XKR6: variants seen among roughly 807,000 people sequenced by gnomAD.
XKR6 encodes XK-related protein 6.
Under a neutral mutation model 56.7 loss-of-function variants are expected in XKR6, and 22 were observed. The ratio of observed to expected loss-of-function variants is 0.39; its 90% CI spans 0.28 to 0.55. The LOEUF is 0.55. Among genes scored for constraint, XKR6 ranks in the 20% least tolerant of loss-of-function variants. The pLI is 0.66. For synonymous variants in XKR6, 524 were observed against 387.8 expected, an observed-to-expected ratio of 1.35 and a Z score of -4.13; for missense variants, 852 against 889.0, an observed-to-expected ratio of 0.96 and a Z score of 0.53.
chr8:10,909,456 C>T (rs1393403416), intron 2 of XKR6, among the ~76,000 whole-genome samples: 1 of 152,110 alleles, frequency 6.6e-6, no homozygotes, highest in Non-Finnish European at 1.5e-5. Flanking sequence ...TTTTCTCCTG[C>T]TTTTGGTTTT....
At chr8:10,956,282 G>A (rs868391521) in intron 1 of XKR6, among the ~76,000 whole-genome samples, 7 of 152,170 alleles carry the variant, frequency 4.6e-5, no homozygotes, top group South Asian at 2.1e-4. Flanking sequence ...TTGTCATCAC[G>A]GTCATTTCAT....
chr8:11,004,431 C>T (rs984949499), intron 1 of XKR6, among the ~76,000 whole-genome samples: 7 of 152,036 alleles, frequency 4.6e-5, no homozygotes, highest in African/African-American at 7.2e-5. Context: ...GAGATCATGA[C>T]GCCACTGCAC....
chr8:11,089,425 G>A (rs368035370), intron 1 of XKR6, among the ~76,000 whole-genome samples: 51 of 152,200 alleles, frequency 3.4e-4, no homozygotes, highest in Non-Finnish European at 6.0e-4. Flanking sequence ...GAGCCTAGGC[G>A]TTTGAGACCA....
At chr8:11,082,040 G>C (rs554685495) in intron 1 of XKR6, among the ~76,000 whole-genome samples, 5 of 152,316 alleles carry the variant, frequency 3.3e-5, no homozygotes, top group African/African-American at 1.2e-4. Context: ...CAGTTGGAGG[G>C]GAGCTAGCAG....
At chr8:11,086,491 T>C (rs1385102616) in intron 1 of XKR6, among the ~76,000 whole-genome samples, 1 of 152,184 alleles carries the variant, frequency 6.6e-6, no homozygotes, top group Non-Finnish European at 1.5e-5. Context: ...ATCACAGCCA[T>C]GGAAAGTCAT....
At chr8:11,177,443 G>T (rs1483247717) in intron 1 of XKR6, among the ~76,000 whole-genome samples, 1 of 152,188 alleles carries the variant, frequency 6.6e-6, no homozygotes, top group East Asian at 1.9e-4. Flanking sequence ...GACCATGAGT[G>T]TTATGGGCTC....
chr8:11,090,557 ACACTTGCCTGCATTTT>A (rs1457960050), intron 1 of XKR6, among the ~76,000 whole-genome samples: 6 of 152,188 alleles, frequency 3.9e-5, no homozygotes, highest in Non-Finnish European at 7.3e-5. Flanking sequence ...AGTGCTTGAC[ACACTTGCCTGCATTTT>A]ATGCCATATG....
chr8:10,916,623 G>A (rs568366291), intron 2 of XKR6, among the ~76,000 whole-genome samples: 1 of 152,338 alleles, frequency 6.6e-6, no homozygotes, highest in East Asian at 1.9e-4. Flanking sequence ...GGGGACAGAA[G>A]CAGGCTTTAC....
At chr8:10,982,110 A>T (rs1254715735) in intron 1 of XKR6, among the ~76,000 whole-genome samples, 1 of 152,224 alleles carries the variant, frequency 6.6e-6, no homozygotes, top group African/African-American at 2.4e-5. Context: ...GCAATCAATG[A>T]AGTCTACACA....
intron 1 of XKR6, among the ~76,000 whole-genome samples, chr8:11,177,398 A>T (rs1200374186): frequency 6.6e-6 from 1 of 152,210 alleles, no homozygotes; most frequent in Non-Finnish European, 1.5e-5. Flanking sequence ...TGGGTCAACT[A>T]CAAAAGAGTT....
chr8:11,191,142 C>G (rs960382230), intron 1 of XKR6, among the ~76,000 whole-genome samples: 1 of 152,214 alleles, frequency 6.6e-6, no homozygotes, highest in Non-Finnish European at 1.5e-5. Flanking sequence ...TAACTGTTTA[C>G]TGGCAACCCA....
At chr8:11,153,106 G>C (rs1801343969) in intron 1 of XKR6, among the ~76,000 whole-genome samples, 1 of 152,094 alleles carries the variant, frequency 6.6e-6, no homozygotes, top group African/African-American at 2.4e-5. Context: ...TATTATTATA[G>C]GTGCCAACAT....
At chr8:11,117,359 T>C (rs78807267) in intron 1 of XKR6, among the ~76,000 whole-genome samples, 4,525 of 152,308 alleles carry the variant, frequency 0.03, 243 homozygotes, top group African/African-American at 0.1. Flanking sequence ...TCTTAATTTC[T>C]GTGGGAGTCC....
chr8:11,079,174 G>A (rs981134593), intron 1 of XKR6, among the ~76,000 whole-genome samples: 2 of 152,226 alleles, frequency 1.3e-5, no homozygotes, highest in African/African-American at 4.8e-5. Flanking sequence ...AGTGGCCTCT[G>A]GGCAGGAGAT....
chr8:10,970,903 A>T lies in XKR6; in HGVS notation c.765-46073T>A, dbSNP rs539979568. Among the ~76,000 whole-genome samples the T allele has an allele frequency of 3.2e-4, 48 of 151,872 alleles. 1 individual carries two copies. The highest frequency in any genetic ancestry group is 1.2e-3 in the African/African-American group (48 of 41,424). ...GAAGACTGTAATAGATTCCAGTGCC[A>T]GGAAGAGGTCTCTCTCCTAAGGAGA... On this transcript the variant is annotated intron_variant, in intron 1 of 2. Transcript: ENST00000416569.
At chr8:11,171,518 G>A (rs1802367079) in intron 1 of XKR6, among the ~76,000 whole-genome samples, 1 of 152,114 alleles carries the variant, frequency 6.6e-6, no homozygotes, top group African/African-American at 2.4e-5. Context: ...CATTCCCTTG[G>A]GTATAGGGAG....
intron 1 of XKR6, among the ~76,000 whole-genome samples, chr8:11,140,182 G>A (rs1253133800): frequency 1.3e-5 from 2 of 150,450 alleles, no homozygotes; most frequent in Non-Finnish European, 3.0e-5. Context: ...GAATACTAAA[G>A]ACAGGCAAAG....
At chr8:11,108,653 C>G in intron 1 of XKR6, 1 of 288,706 alleles carries the variant, frequency 3.5e-6, no homozygotes, top group Non-Finnish European at 6.7e-6. Context: ...TGCCATGTGG[C>G]TCAGTTCTAT....
intron 1 of XKR6, among the ~76,000 whole-genome samples, chr8:10,975,869 G>A (rs531730530): frequency 8.5e-5 from 13 of 152,258 alleles, no homozygotes; most frequent in East Asian, 3.9e-4. Flanking sequence ...CCTCCCTCAT[G>A]GGAACACGGA....
Sources: allele counts gnomAD v4.1 joint callset (sites outside exome capture counted in the v4.1 genomes callset), GRCh38; gene constraint gnomAD v4.1.1; transcripts MANE v1.5; gene names NCBI Gene and HGNC (gene_info 2026-07-23, HGNC 2026-07-21).